The following CBFA2T3 variants were observed in gnomAD, a reference collection of about 807,000 sequenced individuals.
CBFA2T3 encodes transcriptional corepressor CBFA2T3.
CBFA2T3 carries 31 observed loss-of-function variants against 58.6 expected under a neutral mutation model. That is an observed-to-expected ratio of 0.53 (90% CI 0.40 to 0.71). CBFA2T3 has a LOEUF of 0.71. Among genes scored for constraint, CBFA2T3 ranks in the 30% least tolerant of loss-of-function variants. CBFA2T3 has a pLI of 0.00. For missense variants in CBFA2T3, 1,076 were observed against 963.1 expected (o/e 1.12, Z -1.55); for synonymous variants, 531 against 421.9 (o/e 1.26, Z -3.17).
At chr16:88,924,030 C>T (rs141444197) in intron 1 of CBFA2T3, among the ~76,000 whole-genome samples, 10 of 152,104 alleles carry the variant, frequency 6.6e-5, no homozygotes, top group Admixed American at 4.6e-4. Context: ...GCAAAGACCG[C>T]GGGTGGAGGT....
rs1567574077 is a variant in CBFA2T3, at chr16:88,881,371, G to C, written c.1322C>G (p.Ala441Gly). 1 of 1,590,282 alleles carries C rather than the reference G, an allele frequency of 6.3e-7. No homozygotes were observed. Among genetic ancestry groups the C allele is most frequent in the South Asian group, 1.1e-5 (1 of 89,060 alleles). The change falls in exon 9 of 12, where the codon GCC becomes GGC. Residue 441 changes from alanine to glycine, a missense_variant. Coordinates refer to ENST00000268679, the MANE Select transcript of CBFA2T3 (RefSeq NM_005187.6). ...AGCGGGGCCCTTCTTTGTGTCCTCG[G>C]CGTCGCTGTAGCGCCGCGCCCAGTG... ...LNHWARRYSD[A>G]EDTKKGPAPA...
At chr16:88,938,285 T>C (rs1187387392) in intron 1 of CBFA2T3, 1 of 152,664 alleles carries the variant, frequency 6.6e-6, no homozygotes, top group African/African-American at 2.4e-5. Context: ...GCTCTAAGAA[T>C]GTGGCCCGGC....
chr16:88,963,151 G>C (rs2142867460), intron 1 of CBFA2T3, among the ~76,000 whole-genome samples: 1 of 152,296 alleles, frequency 6.6e-6, no homozygotes, highest in South Asian at 2.1e-4. Flanking sequence ...AGCAGACACA[G>C]GCCCAGGGCC....
At chr16:88,881,944 G>A (rs1054095102) in intron 8 of CBFA2T3, among the ~76,000 whole-genome samples, 4 of 152,220 alleles carry the variant, frequency 2.6e-5, no homozygotes, top group Non-Finnish European at 5.9e-5. Context: ...GGCCGTCCCC[G>A]AACACGTCCT....
At chr16:88,905,141 G>A (rs1043502651) in intron 1 of CBFA2T3, among the ~76,000 whole-genome samples, 24 of 152,186 alleles carry the variant, frequency 1.6e-4, no homozygotes, top group Middle Eastern at 3.4e-3. Flanking sequence ...GGGGGTGGGG[G>A]AGTGGGCAGC....
intron 1 of CBFA2T3, among the ~76,000 whole-genome samples, chr16:88,907,861 G>A (rs1281636418): frequency 4.6e-5 from 7 of 152,236 alleles, no homozygotes; most frequent in Non-Finnish European, 5.9e-5. Context: ...GACACAGTGC[G>A]CCCCTCTCTG....
chr16:88,892,596 GCAA>G (rs1218779093), intron 3 of CBFA2T3, 111 bp from the exon 4 acceptor site: 11 of 1,257,416 alleles, frequency 8.7e-6, no homozygotes, highest in Admixed American at 1.7e-5. Flanking sequence ...AAAAGTGACG[GCAA>G]CAATGATGAG....
rs143038019 is a variant in CBFA2T3, at chr16:88,875,707, G to A, written c.*1269C>T. The A allele has an allele frequency of 2.7e-4, 64 of 233,582 alleles. No homozygotes were observed. The East Asian group carries it at 3.8e-3, about 14-fold the overall frequency. The allele number at this position is 233,582 out of a possible 1,614,324, so 14.5% of individuals were successfully genotyped here. A position where few individuals can be genotyped will look rare whatever the true frequency, so the allele number is the denominator to read the frequency against. On this transcript the variant is annotated 3_prime_UTR_variant, in exon 12 of 12. Transcript: ENST00000268679. ...GGCCGAGAAGCAGTGTTTCAGGGAG[G>A]CCTGCTGGCTCCGCATGCTCGAAAA...
intron 1 of CBFA2T3, among the ~76,000 whole-genome samples, chr16:88,921,255 C>T (rs1430014304): frequency 6.6e-5 from 10 of 152,258 alleles, no homozygotes; most frequent in Admixed American, 6.5e-4. Context: ...TTAAAAACAT[C>T]TGCCACATAA....
At chr16:88,960,512 C>T (rs1211987260) in intron 1 of CBFA2T3, among the ~76,000 whole-genome samples, 2 of 152,214 alleles carry the variant, frequency 1.3e-5, no homozygotes, top group Non-Finnish European at 1.5e-5. Context: ...AAACAGAAGT[C>T]GGCTGAGTGA....
intron 1 of CBFA2T3, among the ~76,000 whole-genome samples, chr16:88,915,390 ATGGAGGGGGGAGCGTGGAGGGGGGAGCG>A (rs1313755516): frequency 2.6e-5 from 1 of 38,488 alleles, no homozygotes; most frequent in Admixed American, 3.5e-4. Flanking sequence ...CACAAGCAGC[ATGGAGGGGGGAGCGTGGAGGGGGGAGCG>A]TGGACGGGGG....
chr16:88,971,832 C>T (rs1295506345), intron 1 of CBFA2T3, among the ~76,000 whole-genome samples: 11 of 152,230 alleles, frequency 7.2e-5, no homozygotes, highest in African/African-American at 1.9e-4. Flanking sequence ...TCCCTGAGGC[C>T]GCTCTTCCTG....
At chr16:88,942,810 C>T (rs1971788326) in intron 1 of CBFA2T3, among the ~76,000 whole-genome samples, 1 of 151,394 alleles carries the variant, frequency 6.6e-6, no homozygotes, top group Non-Finnish European at 1.5e-5. Flanking sequence ...GGTGCTTGCC[C>T]ATGTGGCTCA....
At chr16:88,907,332 C>G (rs1465813908) in intron 1 of CBFA2T3, among the ~76,000 whole-genome samples, 1 of 151,786 alleles carries the variant, frequency 6.6e-6, no homozygotes, top group African/African-American at 2.4e-5. Context: ...TATCCTAACC[C>G]CTCCCTGGCT....
At chr16:88,881,762 G>C (rs1038640895) in intron 8 of CBFA2T3, 2 of 434,480 alleles carry the variant, frequency 4.6e-6, no homozygotes, top group African/African-American at 4.0e-5. Flanking sequence ...CCCGCTCAGC[G>C]GGGCTCTGCC....
chr16:88,880,577 G>C (rs1280790258), intron 10 of CBFA2T3, 143 bp downstream of exon 10: 4 of 697,198 alleles, frequency 5.7e-6, no homozygotes, highest in African/African-American at 5.4e-5. Flanking sequence ...CTCTCCGTGA[G>C]CCACACAGCG....
chr16:88,930,513 G>A (rs1445808308), intron 1 of CBFA2T3, among the ~76,000 whole-genome samples: 2 of 151,938 alleles, frequency 1.3e-5, no homozygotes, highest in Non-Finnish European at 2.9e-5. Flanking sequence ...CTCAGCCACA[G>A]GGAAGGAGGC....
At position 88,895,869 on chromosome 16, in the gene CBFA2T3, G is replaced by A. The variant is rs541105852; in HGVS notation, c.379+2209C>T. ...GCCGCCAGGCCCAGACGTGCCCTGT[G>A]AGTCAGACTCGGCGCCTAGCCTCAG... On this transcript the variant is annotated intron_variant, in intron 3 of 11. Transcript: ENST00000268679. Among the ~76,000 whole-genome samples, 44 of 152,338 alleles carry A rather than the reference G, an allele frequency of 2.9e-4. 1 individual carries two copies. The highest frequency in any genetic ancestry group is 2.6e-3 in the Admixed American group (40 of 15,310).
chr16:88,908,537 G>A (rs1418708520), intron 1 of CBFA2T3, among the ~76,000 whole-genome samples: 1 of 152,082 alleles, frequency 6.6e-6, no homozygotes, highest in African/African-American at 2.4e-5. Context: ...TGCCGGGGCC[G>A]CTCATCCATC....
Sources: allele counts gnomAD v4.1 joint callset (sites outside exome capture counted in the v4.1 genomes callset), GRCh38; gene constraint gnomAD v4.1.1; transcripts MANE v1.5; gene names NCBI Gene and HGNC (gene_info 2026-07-23, HGNC 2026-07-21).